Variants in OPCML observed in about 807,000 individuals in gnomAD.
The protein encoded by OPCML is opioid binding protein/cell adhesion molecule like.
Under a neutral mutation model 37.8 loss-of-function variants are expected in OPCML, and 13 were observed. The ratio of observed to expected loss-of-function variants is 0.34; its 90% confidence interval spans 0.22 to 0.55. The LOEUF is 0.55. Ranked by LOEUF, OPCML falls within the 20% of genes least tolerant of loss-of-function variation. The pLI, the probability that OPCML is intolerant of heterozygous loss-of-function variation, is 0.91. For missense variants in OPCML, 341 were observed against 435.6 expected (o/e 0.78, Z 1.93); for synonymous variants, 176 against 168.8 (o/e 1.04, Z -0.33).
At chr11:133,346,420 G>T (rs1416974044) in intron 1 of OPCML, among the ~76,000 whole-genome samples, 1 of 152,222 alleles carries the variant, frequency 6.6e-6, no homozygotes, top group Non-Finnish European at 1.5e-5. Flanking sequence ...AAAAGCAGAA[G>T]AGAGAACAGA....
intron 1 of OPCML, among the ~76,000 whole-genome samples, chr11:133,094,687 G>A (rs1948969968): frequency 6.6e-6 from 1 of 152,100 alleles, no homozygotes; most frequent in Admixed American, 6.5e-5. Context: ...AATAGCAAGA[G>A]AGAGAAAAGC....
At chr11:132,969,475 T>C (rs1466961969) in intron 1 of OPCML, among the ~76,000 whole-genome samples, 2 of 152,166 alleles carry the variant, frequency 1.3e-5, no homozygotes, top group African/African-American at 4.8e-5. Context: ...TTCTATCAAG[T>C]TTTTGAAATT....
chr11:132,533,924 A>C (rs995184745), intron 3 of OPCML, among the ~76,000 whole-genome samples: 1 of 152,176 alleles, frequency 6.6e-6, no homozygotes, highest in Admixed American at 6.5e-5. Flanking sequence ...GAGCTATCCC[A>C]TGGACAAGAT....
chr11:133,470,093 G>C (rs1947070271), intron 1 of OPCML, among the ~76,000 whole-genome samples: 1 of 152,084 alleles, frequency 6.6e-6, no homozygotes, highest in Admixed American at 6.5e-5. Context: ...TGCAATCCCA[G>C]AATAATGGCA....
At chr11:133,021,401 A>T (rs1947447642) in intron 1 of OPCML, among the ~76,000 whole-genome samples, 1 of 152,050 alleles carries the variant, frequency 6.6e-6, no homozygotes, top group South Asian at 2.1e-4. Context: ...ATTCAAGGAG[A>T]TCTGTTTCAT....
At chr11:133,192,406 C>A (rs1186213878) in intron 1 of OPCML, among the ~76,000 whole-genome samples, 1 of 152,140 alleles carries the variant, frequency 6.6e-6, no homozygotes, top group African/African-American at 2.4e-5. Context: ...GATCTAAGTT[C>A]TATGTGATTG....
intron 1 of OPCML, among the ~76,000 whole-genome samples, chr11:133,030,283 C>T (rs990478347): frequency 1.5e-4 from 23 of 152,330 alleles, no homozygotes; most frequent in Middle Eastern, 6.8e-3. Flanking sequence ...CACAATTATA[C>T]GCAAAGGCTT....
At chr11:132,896,094 G>A (rs1376193567) in intron 2 of OPCML, among the ~76,000 whole-genome samples, 2 of 152,120 alleles carry the variant, frequency 1.3e-5, no homozygotes, top group South Asian at 4.2e-4. Flanking sequence ...GAGTGAGTTT[G>A]TTTGATTGAG....
chr11:133,224,324 G>A (rs2136371227), intron 1 of OPCML, among the ~76,000 whole-genome samples: 1 of 152,350 alleles, frequency 6.6e-6, no homozygotes, highest in South Asian at 2.1e-4. Flanking sequence ...CCCCAGGGAT[G>A]CCCCTGCAGA....
intron 2 of OPCML, among the ~76,000 whole-genome samples, chr11:132,663,230 C>A (rs1252797054): frequency 1.3e-5 from 2 of 152,186 alleles, no homozygotes; most frequent in African/African-American, 4.8e-5. Context: ...CACCTCCCAG[C>A]CTCTACCCAG....
At chr11:132,622,631 A>G (rs1429618688) in intron 3 of OPCML, among the ~76,000 whole-genome samples, 1 of 152,168 alleles carries the variant, frequency 6.6e-6, no homozygotes, top group Non-Finnish European at 1.5e-5. Context: ...CAGTCCAGCC[A>G]GGACCTCAGT....
intron 1 of OPCML, among the ~76,000 whole-genome samples, chr11:133,500,841 T>G (rs998168308): frequency 1.4e-4 from 22 of 152,102 alleles, no homozygotes; most frequent in Non-Finnish European, 2.9e-4. Flanking sequence ...GACTAGGACT[T>G]AACTGAACTG....
chr11:132,875,758 C>T (rs1259616684), intron 2 of OPCML, among the ~76,000 whole-genome samples: 1 of 152,126 alleles, frequency 6.6e-6, no homozygotes, highest in Non-Finnish European at 1.5e-5. Flanking sequence ...TCACCATGCC[C>T]AGCCTACCCA....
intron 3 of OPCML, among the ~76,000 whole-genome samples, chr11:132,572,973 T>C (rs951359774): frequency 3.9e-5 from 6 of 151,944 alleles, no homozygotes; most frequent in Admixed American, 1.3e-4. Flanking sequence ...CCTCTATAGT[T>C]AAGTTTATTC....
rs1555167625 is a variant in OPCML, at chr11:133,499,825, C to CACAT, written c.61+32438_61+32439insATGT. On this transcript the variant is annotated intron_variant, in intron 1 of 7. Transcript: ENST00000524381. Reference sequence around the variant, plus strand: ...ATGTGTGTGTATATATATATACACACATATATATGTGTATGTATATATATA... The same window carrying CACAT: ...ATGTGTGTGTATATATATATACACACACATATATATATGTGTATGTATATATATA... Among the ~76,000 whole-genome samples, 665 of 138,144 alleles carry CACAT rather than the reference C, an allele frequency of 4.8e-3. 2 individuals carry two copies. Among genetic ancestry groups the CACAT allele is most frequent in the Middle Eastern group, 7.6e-3 (2 of 264 alleles). 90.6% of individuals were successfully genotyped at this position (138,144 alleles called of 152,430 possible).
intron 1 of OPCML, among the ~76,000 whole-genome samples, chr11:133,200,098 G>T (rs1428254407): frequency 6.6e-6 from 1 of 151,950 alleles, no homozygotes; most frequent in Non-Finnish European, 1.5e-5. Flanking sequence ...CCCCTACACA[G>T]CTCCTATCTC....
Position 132,812,590 on chromosome 11 carries a change from C to T in OPCML, c.146+130336G>A, listed in dbSNP as rs557307760. ...TTCAATAGCATGATGAAGCAGAAAA[C>T]CAGATGGTCTGCTCCCTTCTTTTAT... On this transcript the variant is annotated intron_variant, in intron 2 of 7. Transcript: ENST00000524381. 2.6e-4 allele frequency among the ~76,000 whole-genome samples: 39 copies of T among 152,248 alleles called. No individual in the cohort carries two copies. In the South Asian group the frequency reaches 7.9e-3, roughly 31 times the overall value.
intron 1 of OPCML, chr11:133,300,097 G>A (rs1221487030): frequency 6.6e-6 from 1 of 152,218 alleles, no homozygotes; most frequent in Non-Finnish European, 1.5e-5. Flanking sequence ...AGTACAGACA[G>A]AGGGGAATCA....
intron 1 of OPCML, among the ~76,000 whole-genome samples, chr11:133,528,751 T>C (rs1337739648): frequency 1.3e-5 from 2 of 152,198 alleles, no homozygotes; most frequent in African/African-American, 4.8e-5. Context: ...ACCCAGAACC[T>C]GGACTCACAG....
Sources: allele counts gnomAD v4.1 joint callset (sites outside exome capture counted in the v4.1 genomes callset), GRCh38; gene constraint gnomAD v4.1.1; transcripts MANE v1.5; gene names NCBI Gene and HGNC (gene_info 2026-07-23, HGNC 2026-07-21).